Variants in PIGN observed in about 807,000 individuals in gnomAD.
PIGN encodes phosphatidylinositol glycan anchor biosynthesis class N, also known as GPI ethanolamine phosphate transferase 1.
Under a neutral mutation model 125.4 loss-of-function variants are expected in PIGN, and 117 were observed. That is an observed-to-expected ratio of 0.93 (90% CI 0.80 to 1.09). The LOEUF is 1.09. PIGN is among the 50% of genes least tolerant of loss of function. The pLI, the probability that PIGN is intolerant of heterozygous loss-of-function variation, is 0.00. For synonymous variants in PIGN, 392 were observed against 377.8 expected, an observed-to-expected ratio of 1.04 and a Z score of -0.44; for missense variants, 1,075 against 1,094.9, an observed-to-expected ratio of 0.98 and a Z score of 0.26.
At chr18:62,167,699 CATAT>C (rs201858574) in intron 1 of PIGN, among the ~76,000 whole-genome samples, 19 of 145,592 alleles carry the variant, frequency 1.3e-4, no homozygotes, top group Non-Finnish European at 1.2e-4. Context: ...TCTCTCTCTA[CATAT>C]ATATATATAT....
intron 14 of PIGN, among the ~76,000 whole-genome samples, chr18:62,127,942 GC>G: frequency 6.6e-6 from 1 of 152,142 alleles, no homozygotes; most frequent in East Asian, 1.9e-4. Context: ...AATACATGGT[GC>G]TATTTTCCCA....
At chr18:62,077,844 T>C (rs2145826101) in intron 28 of PIGN, among the ~76,000 whole-genome samples, 1 of 152,338 alleles carries the variant, frequency 6.6e-6, no homozygotes, top group East Asian at 1.9e-4. Context: ...TTCCTCATAG[T>C]TCTGGAGGCT....
chr18:62,093,945 T>A (rs1051677529), intron 23 of PIGN, among the ~76,000 whole-genome samples: 1 of 152,118 alleles, frequency 6.6e-6, no homozygotes, highest in Non-Finnish European at 1.5e-5. Context: ...AAGCTAGATA[T>A]ACTTTCTGAT....
At chr18:62,070,910 C>G (rs1025461581) in intron 30 of PIGN, among the ~76,000 whole-genome samples, 1 of 152,038 alleles carries the variant, frequency 6.6e-6, no homozygotes, top group Non-Finnish European at 1.5e-5. Context: ...GGCTCAAGCA[C>G]TTTTTCTGCC....
chr18:62,136,160 A>C (rs1333440785), intron 14 of PIGN: 1 of 152,202 alleles, frequency 6.6e-6, no homozygotes, highest in Non-Finnish European at 1.5e-5. Context: ...AATAAAAGAA[A>C]ATTAGAATTA....
intron 1 of PIGN, among the ~76,000 whole-genome samples, chr18:62,168,049 C>T (rs1367494288): frequency 1.0e-5 from 1 of 95,296 alleles, no homozygotes; most frequent in Non-Finnish European, 2.3e-5. Flanking sequence ...ACAAAATTAG[C>T]TAGGCGTGGT....
chr18:62,023,255 A>G (rs1174857991), intron 23 of PIGN, among the ~76,000 whole-genome samples: 1 of 152,110 alleles, frequency 6.6e-6, no homozygotes, highest in East Asian at 1.9e-4. Flanking sequence ...CCAAAGCCCC[A>G]GGCAACAATT....
intron 30 of PIGN, among the ~76,000 whole-genome samples, chr18:62,068,590 G>A (rs2032661470): frequency 6.6e-6 from 1 of 152,120 alleles, no homozygotes; most frequent in South Asian, 2.1e-4. Context: ...AACTTCTCCA[G>A]CCAAGCTCAA....
chr18:62,036,919 A>T (rs1440600592), downstream of PIGN, among the ~76,000 whole-genome samples: 2 of 152,178 alleles, frequency 1.3e-5, no homozygotes, highest in Non-Finnish European at 2.9e-5. Flanking sequence ...ATGATCTGCC[A>T]GTTTCATTAT....
chr18:62,120,790 A>G (rs2035274588), intron 14 of PIGN, among the ~76,000 whole-genome samples: 3 of 152,080 alleles, frequency 2.0e-5, no homozygotes, highest in African/African-American at 2.4e-5. Context: ...AAACAAAATA[A>G]AACAGAAAAA....
chr18:62,106,647 GTCC>G, intron 19 of PIGN, 139 bp downstream of exon 19: 2 of 619,226 alleles, frequency 3.2e-6, no homozygotes, highest in Non-Finnish European at 5.8e-6. Flanking sequence ...GGTAATGTCA[GTCC>G]TCCTATCAAT....
chr18:62,065,607 T>C (rs35516065), intron 30 of PIGN, among the ~76,000 whole-genome samples: 5,883 of 151,608 alleles, frequency 0.039, 172 homozygotes, highest in East Asian at 0.081. Flanking sequence ...GGCGAGGTGG[T>C]GGGCGCCTGT....
chr18:62,031,353 A>G (rs995245939), intron 23 of PIGN, among the ~76,000 whole-genome samples: 12 of 152,352 alleles, frequency 7.9e-5, no homozygotes, highest in African/African-American at 2.6e-4. Flanking sequence ...CAGCATGAGA[A>G]CAGACTAATA....
chr18:62,081,630 A>G (rs2033453044), intron 28 of PIGN, among the ~76,000 whole-genome samples: 1 of 152,114 alleles, frequency 6.6e-6, no homozygotes, highest in African/African-American at 2.4e-5. Context: ...CTCATTCCAC[A>G]TGTCCCCAGC....
At chr18:62,067,657 A>G (rs1402770139) in intron 30 of PIGN, among the ~76,000 whole-genome samples, 3 of 152,198 alleles carry the variant, frequency 2.0e-5, no homozygotes, top group Non-Finnish European at 4.4e-5. Context: ...TCACTTACTC[A>G]TTTCTTTTTA....
chr18:62,184,103 A>C (rs1311814381), intron 1 of PIGN, among the ~76,000 whole-genome samples: 1 of 152,226 alleles, frequency 6.6e-6, no homozygotes, highest in Non-Finnish European at 1.5e-5. Context: ...CAAGTTATCT[A>C]GTTTATCTGT....
At chr18:62,031,122 G>A (rs977652681) in intron 23 of PIGN, among the ~76,000 whole-genome samples, 2 of 152,198 alleles carry the variant, frequency 1.3e-5, no homozygotes, top group South Asian at 2.1e-4. Flanking sequence ...AATCATGGGA[G>A]TGGTTTCCCC....
At position 62,100,294 on chromosome 18, in the gene PIGN, A is replaced by G. The variant is rs923804417; in HGVS notation, c.2077+781T>C. On this transcript the variant is annotated intron_variant, in intron 22 of 30. Transcript: ENST00000640252. Reference sequence around the variant, plus strand: ...TCATCTCACCCCAGTTAGAATTGCTATTATCAAAAAGATAAAAAATAGCAG... The same window carrying G: ...TCATCTCACCCCAGTTAGAATTGCTGTTATCAAAAAGATAAAAAATAGCAG... 5.9e-5 allele frequency among the ~76,000 whole-genome samples: 9 copies of G among 152,340 alleles called. No homozygotes were observed. The South Asian group carries it at 1.7e-3, about 28-fold the overall frequency.
At chr18:62,142,337 G>C (rs1488774918) in intron 11 of PIGN, among the ~76,000 whole-genome samples, 4 of 152,216 alleles carry the variant, frequency 2.6e-5, no homozygotes, top group Non-Finnish European at 4.4e-5. Context: ...ACAATTCAGA[G>C]AGCAATAACT....
Sources: allele counts gnomAD v4.1 joint callset (sites outside exome capture counted in the v4.1 genomes callset), GRCh38; gene constraint gnomAD v4.1.1; transcripts MANE v1.5; gene names NCBI Gene and HGNC (gene_info 2026-07-23, HGNC 2026-07-21).